The following LRRC53 variants were observed in gnomAD, a reference collection of about 807,000 sequenced individuals.
The protein encoded by LRRC53 is leucine rich repeat containing 53.
A neutral mutation model predicts 13.6 loss-of-function variants in LRRC53; 25 were observed. The observed-to-expected ratio is 1.83, with a 90% CI of 1.34 to 2.56. The LOEUF is 2.56. Among genes scored for constraint, LRRC53 ranks in the 30% most tolerant of loss-of-function variants. The pLI is 0.00. For missense variants in LRRC53, 527 were observed against 275.8 expected (o/e 1.91, Z -6.45); for synonymous variants, 204 against 109.8 (o/e 1.86, Z -5.37).
intron 1 of LRRC53, among the ~76,000 whole-genome samples, chr1:74,486,414 G>A (rs1259374008): frequency 6.6e-6 from 1 of 151,812 alleles, no homozygotes; most frequent in Admixed American, 6.6e-5. Flanking sequence ...ATACTGAATG[G>A]TAGTATCAAT....
the LRRC53 span, among the ~76,000 whole-genome samples, chr1:74,535,302 T>G: frequency 6.6e-6 from 1 of 152,064 alleles, no homozygotes; most frequent in Non-Finnish European, 1.5e-5. Context: ...AAGCCCCATC[T>G]CTACTAAAAA....
chr1:74,513,705 T>C (rs910743535), upstream of LRRC53, among the ~76,000 whole-genome samples: 2 of 152,208 alleles, frequency 1.3e-5, no homozygotes, highest in Non-Finnish European at 2.9e-5. Context: ...AAAAGCTAGA[T>C]TGATGAGCAT....
At chr1:74,521,286 C>A in the LRRC53 span, among the ~76,000 whole-genome samples, 1 of 152,094 alleles carries the variant, frequency 6.6e-6, no homozygotes, top group African/African-American at 2.4e-5. Context: ...TTTCTAGTTG[C>A]TCTTTGCTTC....
chr1:74,488,209 G>T (rs1444225459), intron 1 of LRRC53, among the ~76,000 whole-genome samples: 5 of 152,112 alleles, frequency 3.3e-5, no homozygotes, highest in Non-Finnish European at 7.4e-5. Flanking sequence ...GAAACCATTT[G>T]GAAGTAGCAG....
rs188372034 is a variant in LRRC53 at position 74,469,534 on chromosome 1, T to C, written c.*344A>G. On this transcript the variant is annotated 3_prime_UTR_variant, in exon 5 of 5. Coordinates refer to ENST00000294635, the MANE Select transcript of LRRC53 (RefSeq NM_001382280.1). Reference sequence around the variant, plus strand: ...ACATGAAATAAACATCAAATGTAAATCTGCTCAAATACTCTTCTTATGTAG... The same window carrying C: ...ACATGAAATAAACATCAAATGTAAACCTGCTCAAATACTCTTCTTATGTAG... The C allele has an allele frequency of 5.6e-6, 1 of 179,652 alleles. No individual in the cohort carries two copies. Among genetic ancestry groups the C allele is most frequent in the East Asian group, 1.4e-4 (1 of 6,924 alleles). The allele number at this position is 179,652 out of a possible 1,614,324, so 11.1% of individuals were successfully genotyped here.
At chr1:74,494,456 C>T (rs1378103542) in intron 1 of LRRC53, among the ~76,000 whole-genome samples, 1 of 152,066 alleles carries the variant, frequency 6.6e-6, no homozygotes, top group African/African-American at 2.4e-5. Flanking sequence ...AAACTGGACA[C>T]CATTTTTTAT....
chr1:74,521,583 G>A, the LRRC53 span, among the ~76,000 whole-genome samples: 2 of 150,074 alleles, frequency 1.3e-5, no homozygotes, highest in South Asian at 4.2e-4. Context: ...TTTCCATAAA[G>A]CCTTTTTCTG....
intron 1 of LRRC53, among the ~76,000 whole-genome samples, chr1:74,493,389 A>C (rs1470893217): frequency 6.6e-6 from 1 of 152,204 alleles, no homozygotes; most frequent in African/African-American, 2.4e-5. Context: ...AACAGAAGCA[A>C]AAACAAAAAG....
At chr1:74,493,184 A>G (rs1669163371) in intron 1 of LRRC53, among the ~76,000 whole-genome samples, 1 of 152,152 alleles carries the variant, frequency 6.6e-6, no homozygotes, top group Admixed American at 6.5e-5. Context: ...CAAAAAGCAA[A>G]TGGGTGCTTC....
At chr1:74,475,869 T>C (rs1208311044) in intron 3 of LRRC53, 59 bp from the exon 4 acceptor site, 4 of 536,916 alleles carry the variant, frequency 7.4e-6, no homozygotes, top group Non-Finnish European at 1.3e-5. Flanking sequence ...ACATAAATCA[T>C]CAAATGTAAA....
chr1:74,521,564 A>T, the LRRC53 span, among the ~76,000 whole-genome samples: 2 of 152,184 alleles, frequency 1.3e-5, no homozygotes, highest in Admixed American at 1.3e-4. Flanking sequence ...TCAAAATTAA[A>T]TGCTACTATT....
chr1:74,529,507 G>A, the LRRC53 span, among the ~76,000 whole-genome samples: 2 of 152,212 alleles, frequency 1.3e-5, no homozygotes, highest in Non-Finnish European at 2.9e-5. Context: ...AGTGCTGCAT[G>A]TGATTCTGAA....
At chr1:74,472,302 T>C (rs530014555) in intron 4 of LRRC53, 101 bp from the exon 5 acceptor site, 122 of 626,290 alleles carry the variant, frequency 1.9e-4, no homozygotes, top group African/African-American at 1.8e-3. Context: ...AACTGACTCC[T>C]CTGATAATTG....
chr1:74,482,286 A>G (rs370998511), intron 2 of LRRC53, among the ~76,000 whole-genome samples: 49 of 152,312 alleles, frequency 3.2e-4, no homozygotes, highest in African/African-American at 1.0e-3. Flanking sequence ...TATTTATGAA[A>G]TCTAACTTCA....
rs1363869564 is a variant in LRRC53 at position 74,475,644 on chromosome 1, G to A, written c.1071C>T (p.His357=). 3 of 717,140 alleles carry A rather than the reference G, an allele frequency of 4.2e-6. No individual in the cohort carries two copies. The East Asian group carries it at 8.0e-5, about 19-fold the overall frequency. 44.4% of individuals were successfully genotyped at this position (717,140 alleles called of 1,614,324 possible). ...CCTTTATCTCGTTTTCCTGAGTTAA[G>A]TGGCAGTTGCAGTATCCCTTAGTGT... ...NYHTKGYCNC[H]LTQENEIKVM... is the part of the protein sequence containing the mutation. Residue 357 remains histidine, a synonymous_variant, in exon 4 of 5, where the codon CAC becomes CAT. Coordinates refer to ENST00000294635, the MANE Select transcript of LRRC53 (RefSeq NM_001382280.1).
chr1:74,495,332 T>C (rs1216399782), intron 1 of LRRC53, among the ~76,000 whole-genome samples: 6 of 152,224 alleles, frequency 3.9e-5, no homozygotes, highest in Non-Finnish European at 8.8e-5. Context: ...AGTTTTAAAA[T>C]GTGTCAAAAT....
chr1:74,488,601 A>G (rs1668884385), intron 1 of LRRC53, among the ~76,000 whole-genome samples: 1 of 152,202 alleles, frequency 6.6e-6, no homozygotes, highest in South Asian at 2.1e-4. Context: ...AGCTTGAAAT[A>G]TATTTGGAAT....
rs1667881100 is a variant in LRRC53, at chr1:74,470,641, A to G, written c.2981T>C (p.Val994Ala). 4 of 400,616 alleles carry G rather than the reference A, an allele frequency of 1.0e-5. No homozygotes were observed. The Middle Eastern group carries it at 1.2e-3, about 124-fold the overall frequency. The allele number at this position is 400,616 out of a possible 1,614,324, so 24.8% of individuals were successfully genotyped here. A position where few individuals can be genotyped will look rare whatever the true frequency, so the allele number is the denominator to read the frequency against. Residue 994 changes from valine (V) to alanine (A), a missense_variant, in exon 5 of 5, where the codon GTA (valine) becomes GCA (alanine). Physicochemically the swap from Val to Ala is moderately conservative, Grantham distance 64. Transcript: ENST00000294635. The part of the protein sequence containing the change: ...NCIMDKEEND[V>A]EKKLSKTETY... ...TTCTGTTTTTGAAAGTTTTTTTTCT[A>G]CATCATTTTCTTCCTTATCCATAAT...
At chr1:74,500,477 G>A (rs1669560339) in intron 1 of LRRC53, among the ~76,000 whole-genome samples, 1 of 150,322 alleles carries the variant, frequency 6.7e-6, no homozygotes, top group Admixed American at 6.6e-5. Flanking sequence ...AGTGGCGGGC[G>A]CCTGTAGTCC....
Sources: allele counts gnomAD v4.1 joint callset (sites outside exome capture counted in the v4.1 genomes callset), GRCh38; gene constraint gnomAD v4.1.1; transcripts MANE v1.5; gene names NCBI Gene and HGNC (gene_info 2026-07-23, HGNC 2026-07-21).